Variants in RAD21L1 observed in about 807,000 individuals in gnomAD.
RAD21L1 encodes RAD21 cohesin complex component like 1.
A neutral mutation model predicts 69.0 loss-of-function variants in RAD21L1; 47 were observed. The observed-to-expected ratio is 0.68, with a 90% CI of 0.54 to 0.87. The LOEUF (loss-of-function observed/expected upper bound fraction) is 0.87. Among genes scored for constraint, RAD21L1 ranks in the 40% least tolerant of loss-of-function variants. The pLI is 0.00. For synonymous variants in RAD21L1, 177 were observed against 205.8 expected, an observed-to-expected ratio of 0.86 and a Z score of 1.20; for missense variants, 583 against 647.6, an observed-to-expected ratio of 0.90 and a Z score of 1.08.
chr20:1,242,811 C>T lies in RAD21L1; in HGVS notation c.1049C>T (p.Ala350Val). 6.4e-7 allele frequency: 1 copy of T among 1,551,484 alleles called. No individual in the cohort carries two copies. Among genetic ancestry groups the T allele is most frequent in the South Asian group, 1.2e-5 (1 of 84,066 alleles). ...RGGVHTLLSTAAQDLIHAELK... is the reference protein window; with the variant it reads ...RGGVHTLLSTVAQDLIHAELK... ...GGAGTGCATACACTTCTGTCAACTG[C>T]TGCCCAGGATTTGATTCATGCTGAA... Residue 350 changes from alanine to valine, a missense_variant, in exon 9 of 14, where the codon GCT (alanine) becomes GTT (valine). Physicochemically the swap from Ala to Val is moderately conservative, Grantham distance 64. Transcript: ENST00000683101.
rs567250795 is a variant in RAD21L1 at position 1,239,075 on chromosome 20, C to T, written c.647-237C>T. Among the ~76,000 whole-genome samples the T allele has an allele frequency of 1.5e-3, 228 of 152,258 alleles. 1 individual carries two copies. The highest frequency in any genetic ancestry group is 5.4e-3 in the African/African-American group (224 of 41,532). On this transcript the variant is annotated intron_variant, in intron 6 of 13. Transcript: ENST00000683101. ...CTCCTGACCTCAGGTGATCCACCCG[C>T]CTCAGCTTCCCAATGTGCTGGGATT...
At chr20:1,244,733 A>G (rs2087685851) in intron 11 of RAD21L1, among the ~76,000 whole-genome samples, 1 of 152,154 alleles carries the variant, frequency 6.6e-6, no homozygotes, top group Admixed American at 6.6e-5. Context: ...ATATTTTCTC[A>G]GTTGTTATTT....
chr20:1,228,290 GAATA>G (rs2087305878), intron 1 of RAD21L1, 128 bp from the exon 2 acceptor site: 1 of 473,938 alleles, frequency 2.1e-6, no homozygotes, highest in African/African-American at 2.0e-5. Flanking sequence ...ATTTACAAGA[GAATA>G]AATTGTATTG....
intron 5 of RAD21L1, among the ~76,000 whole-genome samples, chr20:1,237,470 A>G (rs891372218): frequency 5.9e-5 from 9 of 151,618 alleles, no homozygotes; most frequent in African/African-American, 1.5e-4. Context: ...ATAATATAAT[A>G]CATACTATAA....
intron 1 of RAD21L1, among the ~76,000 whole-genome samples, chr20:1,226,771 TTG>T (rs1600211462): frequency 6.6e-6 from 1 of 152,042 alleles, no homozygotes; most frequent in East Asian, 1.9e-4. Flanking sequence ...CGGGGGGAGT[TTG>T]TGTGCGTATT....
At chr20:1,240,145 A>G (rs2087577107) in intron 7 of RAD21L1, among the ~76,000 whole-genome samples, 176 bp from the exon 8 acceptor site, 1 of 152,220 alleles carries the variant, frequency 6.6e-6, no homozygotes, top group South Asian at 2.1e-4. Flanking sequence ...GTCCCACACC[A>G]TATAATCTGT....
At chr20:1,244,506 T>G (rs1344185643) in intron 11 of RAD21L1, among the ~76,000 whole-genome samples, 1 of 152,180 alleles carries the variant, frequency 6.6e-6, no homozygotes, top group Admixed American at 6.5e-5. Context: ...GTTTTAGAAC[T>G]GCAGCCAGTA....
Position 1,255,792 on chromosome 20 carries a change from T to C in RAD21L1, c.*1335T>C, listed in dbSNP as rs1389478920. Reference sequence around the variant, plus strand: ...TTCTCCATGACTACACTTTTGTCTTTTTGAAAATGTCACACAGATGGAATC... The same window carrying C: ...TTCTCCATGACTACACTTTTGTCTTCTTGAAAATGTCACACAGATGGAATC... On this transcript the variant is annotated 3_prime_UTR_variant, in exon 14 of 14. Coordinates refer to ENST00000683101, the MANE Select transcript of RAD21L1 (RefSeq NM_001384355.1). Among the ~76,000 whole-genome samples, 5 of 152,232 alleles carry C rather than the reference T, an allele frequency of 3.3e-5. No homozygotes were observed. The highest frequency in any genetic ancestry group is 4.4e-5 in the Non-Finnish European group (3 of 68,046).
chr20:1,246,009 T>C lies in RAD21L1; in HGVS notation c.1309-204T>C, dbSNP rs559145659. On this transcript the variant is annotated intron_variant, in intron 11 of 13. Coordinates refer to ENST00000683101, the MANE Select transcript of RAD21L1 (RefSeq NM_001384355.1). The surrounding 1 kb of genome is among the most constrained non-coding windows in gnomAD (Gnocchi z 4.6). Reference sequence around the variant, plus strand: ...AAGGGGCATGCAAGTTCTTCCTTTATGGGAGGCATATGGAAAATTGTAACA... The same window carrying C: ...AAGGGGCATGCAAGTTCTTCCTTTACGGGAGGCATATGGAAAATTGTAACA... Among the ~76,000 whole-genome samples, 2 of 152,240 alleles carry C rather than the reference T, an allele frequency of 1.3e-5. No homozygotes were observed. The highest frequency in any genetic ancestry group is 3.9e-4 in the East Asian group (2 of 5,174).
intron 1 of RAD21L1, among the ~76,000 whole-genome samples, chr20:1,227,444 A>C (rs2087288998): frequency 6.6e-6 from 1 of 152,158 alleles, no homozygotes; most frequent in Non-Finnish European, 1.5e-5. Context: ...ACAAATAGAC[A>C]CTGATGGAAG....
Position 1,254,405 on chromosome 20 carries a change from C to T in RAD21L1, c.1616C>T (p.Ala539Val). Reference sequence around the variant, plus strand: ...CTGGCTATTGAGCTGAGCCAGAGTGCTCCCTATGCAGATATTATAGCTACG... The same window carrying T: ...CTGGCTATTGAGCTGAGCCAGAGTGTTCCCTATGCAGATATTATAGCTACG... ...KQLAIELSQS[A>V]PYADIIATMG... is the part of the protein sequence containing the mutation. The change falls in exon 14 of 14, where the codon GCT becomes GTT. Residue 539 changes from alanine to valine, a missense_variant. Coordinates refer to ENST00000683101, the MANE Select transcript of RAD21L1 (RefSeq NM_001384355.1). The T allele has an allele frequency of 1.3e-6, 2 of 1,550,052 alleles. No homozygotes were observed. Among genetic ancestry groups the T allele is most frequent in the Non-Finnish European group, 1.7e-6 (2 of 1,146,218 alleles).
At chr20:1,234,219 C>G in intron 5 of RAD21L1, 28 bp downstream of exon 5, 1 of 984,156 alleles carries the variant, frequency 1.0e-6, no homozygotes, top group Non-Finnish European at 1.6e-6. Flanking sequence ...CTCAAAATTA[C>G]AAATTATAAT....
intron 1 of RAD21L1, among the ~76,000 whole-genome samples, chr20:1,227,203 G>A (rs1436945315): frequency 6.6e-6 from 1 of 152,202 alleles, no homozygotes; most frequent in Non-Finnish European, 1.5e-5. Flanking sequence ...GAGCCACTGC[G>A]CCAGGCCAAA....
intron 9 of RAD21L1, 118 bp downstream of exon 9, chr20:1,242,963 C>A: frequency 3.3e-6 from 3 of 907,690 alleles, no homozygotes; most frequent in South Asian, 1.7e-5. Flanking sequence ...CGAAGAAGTA[C>A]TTCCTCATTT....
rs984719190 is a variant in RAD21L1, at chr20:1,240,364, A to G, written c.786A>G (p.Glu262=). The G allele has an allele frequency of 6.5e-7, 1 of 1,549,796 alleles. No homozygotes were observed. The highest frequency in any genetic ancestry group is 2.0e-5 in the Admixed American group (1 of 50,740). ...NSECICVPEN[E]KMNETILLST... ...AGTGTATATGTGTACCTGAAAATGA[A>G]AAAATGAATGAAACAATATTATTAT... The change falls in exon 8 of 14, where the codon GAA becomes GAG. Residue 262 remains glutamate, a synonymous_variant. Coordinates refer to ENST00000683101, the MANE Select transcript of RAD21L1 (RefSeq NM_001384355.1).
Position 1,234,478 on chromosome 20 carries a change from C to G in RAD21L1, c.475+287C>G, listed in dbSNP as rs1309118413. Among the ~76,000 whole-genome samples, 4 of 152,072 alleles carry G rather than the reference C, an allele frequency of 2.6e-5. No homozygotes were observed. In the East Asian group the frequency reaches 7.7e-4, roughly 29 times the overall value. ...AAAATTTAAAGAAGCAGTTCCTGCC[C>G]TCAAGGAGATTCTGGGTGTGAGAGA... On this transcript the variant is annotated intron_variant, in intron 5 of 13. Coordinates refer to ENST00000683101, the MANE Select transcript of RAD21L1 (RefSeq NM_001384355.1).
intron 9 of RAD21L1, 41 bp from the exon 10 acceptor site, chr20:1,243,056 T>C (rs1480224583): frequency 6.4e-6 from 8 of 1,252,414 alleles, no homozygotes; most frequent in Non-Finnish European, 8.9e-6. Flanking sequence ...ATTGCTTTGC[T>C]GGTACAAAAA....
chr20:1,228,935 A>T (rs549979643), intron 2 of RAD21L1, among the ~76,000 whole-genome samples: 1 of 152,368 alleles, frequency 6.6e-6, no homozygotes, highest in Non-Finnish European at 1.5e-5. Context: ...AATGGGGAGG[A>T]TAGAAAGAGG....
chr20:1,234,664 C>T (rs771234705), intron 5 of RAD21L1, among the ~76,000 whole-genome samples: 1 of 152,196 alleles, frequency 6.6e-6, no homozygotes, highest in Non-Finnish European at 1.5e-5. Context: ...GGAAATGCTA[C>T]CACACTAAAT....
Sources: allele counts gnomAD v4.1 joint callset (sites outside exome capture counted in the v4.1 genomes callset), GRCh38; gene constraint gnomAD v4.1.1; non-coding constraint Gnocchi (gnomAD v3.1); transcripts MANE v1.5; gene names NCBI Gene and HGNC (gene_info 2026-07-23, HGNC 2026-07-21).